The following GAREM1 variants were observed in gnomAD, a reference collection of about 807,000 sequenced individuals.
GAREM1 encodes GRB2-associated and regulator of MAPK protein 1.
Under a neutral mutation model 71.3 loss-of-function variants are expected in GAREM1, and 26 were observed. That is an observed-to-expected ratio of 0.36 (90% CI 0.27 to 0.51). The LOEUF is 0.51. Among genes scored for constraint, GAREM1 ranks in the 20% least tolerant of loss-of-function variants. The pLI is 0.95. For missense variants in GAREM1, 1,026 were observed against 1,103.1 expected, an observed-to-expected ratio of 0.93 and a Z score of 0.99; for synonymous variants, 440 against 433.2, an observed-to-expected ratio of 1.02 and a Z score of -0.20.
intron 2 of GAREM1, among the ~76,000 whole-genome samples, chr18:32,371,229 C>T (rs1289365162): frequency 1.3e-5 from 2 of 152,126 alleles, no homozygotes. Context: ...CCAGGGAGCA[C>T]CTACTTGGTC....
intron 2 of GAREM1, among the ~76,000 whole-genome samples, chr18:32,316,126 C>T (rs1447123950): frequency 2.0e-5 from 3 of 152,086 alleles, no homozygotes; most frequent in African/African-American, 7.2e-5. Context: ...ACTTCAGAAT[C>T]ACATATACAT....
At chr18:32,364,649 G>C (rs2047911204) in intron 2 of GAREM1, among the ~76,000 whole-genome samples, 1 of 152,142 alleles carries the variant, frequency 6.6e-6, no homozygotes, top group Non-Finnish European at 1.5e-5. Flanking sequence ...ATGTGCCAGT[G>C]TTAACATATT....
At chr18:32,344,224 C>A (rs1355857274) in intron 2 of GAREM1, among the ~76,000 whole-genome samples, 1 of 152,136 alleles carries the variant, frequency 6.6e-6, no homozygotes, top group Non-Finnish European at 1.5e-5. Flanking sequence ...TCTTTTTGGA[C>A]CCAGATACTC....
chr18:32,270,192 A>G, intron 5 of GAREM1, 25 bp downstream of exon 5: 2 of 1,611,588 alleles, frequency 1.2e-6, no homozygotes, highest in Non-Finnish European at 1.7e-6. Flanking sequence ...ATAAGCGTGC[A>G]GTGGGACCTG....
intron 2 of GAREM1, among the ~76,000 whole-genome samples, chr18:32,357,393 C>T (rs766152409): frequency 1.5e-4 from 23 of 152,204 alleles, no homozygotes; most frequent in Non-Finnish European, 2.9e-4. Flanking sequence ...CTCAAGACAC[C>T]TGGAACTTTT....
At chr18:32,362,743 T>C (rs1175006758) in intron 2 of GAREM1, among the ~76,000 whole-genome samples, 1 of 152,192 alleles carries the variant, frequency 6.6e-6, no homozygotes, top group South Asian at 2.1e-4. Flanking sequence ...TTTCAAGATA[T>C]TGTAACTATC....
intron 2 of GAREM1, among the ~76,000 whole-genome samples, chr18:32,358,225 C>T (rs116654592): frequency 0.012 from 1,763 of 150,602 alleles, 34 homozygotes; most frequent in African/African-American, 0.039. Context: ...CTTCCCATGA[C>T]GCCTTCCCCA....
chr18:32,377,177 T>C (rs2048038432), intron 2 of GAREM1, among the ~76,000 whole-genome samples: 1 of 152,120 alleles, frequency 6.6e-6, no homozygotes, highest in Non-Finnish European at 1.5e-5. Context: ...GAGTATTGAG[T>C]TGGGAAGAAA....
intron 1 of GAREM1, among the ~76,000 whole-genome samples, chr18:32,424,177 A>AGTAC (rs1459102092): frequency 6.6e-6 from 1 of 152,116 alleles, no homozygotes; most frequent in Non-Finnish European, 1.5e-5. Context: ...GTCTCACAGG[A>AGTAC]GTACTTCCAT....
At chr18:32,306,673 T>A (rs1283862337) in intron 3 of GAREM1, among the ~76,000 whole-genome samples, 1 of 152,176 alleles carries the variant, frequency 6.6e-6, no homozygotes, top group Non-Finnish European at 1.5e-5. Context: ...TAGACTATTC[T>A]CTAAGCTCCC....
At chr18:32,466,520 T>C (rs917150084) in intron 1 of GAREM1, among the ~76,000 whole-genome samples, 3 of 152,188 alleles carry the variant, frequency 2.0e-5, no homozygotes, top group Non-Finnish European at 4.4e-5. Context: ...AAAATGTGCT[T>C]AGGGACAGAG....
At chr18:32,465,852 T>G (rs1156639389) in intron 1 of GAREM1, among the ~76,000 whole-genome samples, 1 of 152,222 alleles carries the variant, frequency 6.6e-6, no homozygotes, top group Admixed American at 6.5e-5. Flanking sequence ...TTCACTGTGA[T>G]GGAAGGAACC....
intron 2 of GAREM1, among the ~76,000 whole-genome samples, chr18:32,371,345 G>A (rs774820220): frequency 3.3e-5 from 5 of 152,150 alleles, no homozygotes; most frequent in African/African-American, 7.2e-5. Context: ...TTTAAATACC[G>A]AGGATTTAAA....
chr18:32,286,942 G>A, intron 4 of GAREM1, 89 bp downstream of exon 4: 1 of 947,408 alleles, frequency 1.1e-6, no homozygotes. Context: ...GCAATCTTCA[G>A]TTGGGGAGTT....
intron 1 of GAREM1, among the ~76,000 whole-genome samples, chr18:32,396,389 A>G (rs1372830850): frequency 1.3e-5 from 2 of 152,202 alleles, no homozygotes; most frequent in African/African-American, 2.4e-5. Flanking sequence ...ACCCATTGCA[A>G]AGGAGATAAA....
Position 32,470,788 on chromosome 18 carries a change from T to G in GAREM1, c.-360A>C, listed in dbSNP as rs896116580. Among the ~76,000 whole-genome samples, 52 of 149,356 alleles carry G rather than the reference T, an allele frequency of 3.5e-4. No individual in the cohort carries two copies. Among genetic ancestry groups the G allele is most frequent in the Admixed American group, 1.3e-3 (19 of 15,078 alleles). Reference sequence around the variant, plus strand: ...CAGCTGCGGCGGCCGCCCGCTCGCCTCCTCCTCCTCTTACCCCTCCTTCCC... The same window carrying G: ...CAGCTGCGGCGGCCGCCCGCTCGCCGCCTCCTCCTCTTACCCCTCCTTCCC... On this transcript the variant is annotated 5_prime_UTR_variant, in exon 1 of 6. Coordinates refer to ENST00000269209, the MANE Select transcript of GAREM1 (RefSeq NM_001242409.2). The surrounding 1 kb of genome is among the most constrained non-coding windows in gnomAD (Gnocchi z 4.4).
chr18:32,400,658 A>T (rs1442265744), intron 1 of GAREM1, among the ~76,000 whole-genome samples: 1 of 152,202 alleles, frequency 6.6e-6, no homozygotes, highest in African/African-American at 2.4e-5. Flanking sequence ...GGCGATCATT[A>T]AAAAGTCAGG....
At chr18:32,410,487 A>G (rs1164156656) in intron 1 of GAREM1, among the ~76,000 whole-genome samples, 1 of 152,038 alleles carries the variant, frequency 6.6e-6, no homozygotes, top group Non-Finnish European at 1.5e-5. Context: ...TGCTGGTACT[A>G]CAGGTATGCA....
chr18:32,438,295 T>C (rs2048699828), intron 1 of GAREM1, among the ~76,000 whole-genome samples: 1 of 152,234 alleles, frequency 6.6e-6, no homozygotes, highest in African/African-American at 2.4e-5. Context: ...CCACCAGCCC[T>C]GTGAATTGAT....
Sources: allele counts gnomAD v4.1 joint callset (sites outside exome capture counted in the v4.1 genomes callset), GRCh38; gene constraint gnomAD v4.1.1; non-coding constraint Gnocchi (gnomAD v3.1); transcripts MANE v1.5; gene names NCBI Gene and HGNC (gene_info 2026-07-23, HGNC 2026-07-21).